Variants in ANKRD6 observed in about 807,000 individuals in gnomAD.
ANKRD6 encodes ankyrin repeat domain 6, also known as ankyrin repeat domain-containing protein 6.
ANKRD6 carries 56 observed loss-of-function variants against 82.3 expected under a neutral mutation model. The ratio of observed to expected loss-of-function variants is 0.68; its 90% CI spans 0.55 to 0.85. The LOEUF (loss-of-function observed/expected upper bound fraction) is 0.85. Among genes scored for constraint, ANKRD6 ranks in the 40% least tolerant of loss-of-function variants. The pLI is 0.00. For synonymous variants in ANKRD6, 347 were observed against 352.1 expected (o/e 0.99, Z 0.16); for missense variants, 852 against 907.6 (o/e 0.94, Z 0.79).
chr6:89,569,768 A>G (rs72911815), intron 2 of ANKRD6, among the ~76,000 whole-genome samples: 24,410 of 152,124 alleles, frequency 0.16, 2,662 homozygotes, highest in Non-Finnish European at 0.24. Flanking sequence ...GTCTTTTTTT[A>G]TACATCATTT....
intron 1 of ANKRD6, among the ~76,000 whole-genome samples, chr6:89,520,347 C>T (rs1360704070): frequency 6.6e-6 from 1 of 152,214 alleles, no homozygotes; most frequent in Non-Finnish European, 1.5e-5. Flanking sequence ...TACATAGCCT[C>T]CTATATCATC....
intron 3 of ANKRD6, among the ~76,000 whole-genome samples, chr6:89,597,654 G>A (rs10806411): frequency 0.45 from 69,003 of 152,146 alleles, 16,607 homozygotes; most frequent in East Asian, 0.62. Context: ...AAAGTGAGAC[G>A]TGTCAGCAGA....
At chr6:89,614,316 G>A (rs1204774553) in intron 7 of ANKRD6, among the ~76,000 whole-genome samples, 1 of 152,116 alleles carries the variant, frequency 6.6e-6, no homozygotes, top group African/African-American at 2.4e-5. Flanking sequence ...ACCAGCCCGG[G>A]CAACATAGCG....
chr6:89,499,453 A>G (rs895294707), intron 1 of ANKRD6, among the ~76,000 whole-genome samples: 10 of 152,098 alleles, frequency 6.6e-5, no homozygotes, highest in Non-Finnish European at 1.2e-4. Flanking sequence ...GCCTGATGCC[A>G]TTCTGGTCTA....
chr6:89,609,283 AG>A (rs1347780286), intron 5 of ANKRD6, among the ~76,000 whole-genome samples: 1 of 151,980 alleles, frequency 6.6e-6, no homozygotes, highest in Non-Finnish European at 1.5e-5. Flanking sequence ...CTGGAACAGG[AG>A]TTGATGGTGT....
chr6:89,525,160 G>A (rs528138532), intron 1 of ANKRD6, among the ~76,000 whole-genome samples: 1 of 152,078 alleles, frequency 6.6e-6, no homozygotes, highest in African/African-American at 2.4e-5. Flanking sequence ...TGGGCCTGGT[G>A]GCACACACCT....
intron 2 of ANKRD6, among the ~76,000 whole-genome samples, chr6:89,590,732 T>C (rs746089446): frequency 1.3e-4 from 20 of 152,102 alleles, no homozygotes; most frequent in African/African-American, 3.1e-4. Context: ...AGGGAAAGCA[T>C]GCGGCTGAGC....
intron 1 of ANKRD6, among the ~76,000 whole-genome samples, chr6:89,488,690 A>G (rs942737286): frequency 3.9e-5 from 6 of 152,238 alleles, no homozygotes; most frequent in African/African-American, 1.4e-4. Flanking sequence ...AAAAAGAAAT[A>G]TAGGTTACAT....
chr6:89,455,988 T>G (rs1467979283), intron 1 of ANKRD6, among the ~76,000 whole-genome samples: 1 of 152,090 alleles, frequency 6.6e-6, no homozygotes, highest in East Asian at 1.9e-4. Context: ...ATTCTCCTGC[T>G]TCAGCCTCCT....
At chr6:89,575,908 T>TG (rs1352970584) in intron 2 of ANKRD6, among the ~76,000 whole-genome samples, 4 of 152,256 alleles carry the variant, frequency 2.6e-5, no homozygotes, top group African/African-American at 9.6e-5. Context: ...TAAGTAAGGA[T>TG]GGGGTTGTCA....
intron 1 of ANKRD6, among the ~76,000 whole-genome samples, chr6:89,553,292 T>A (rs1024498272): frequency 6.6e-6 from 1 of 152,200 alleles, no homozygotes; most frequent in African/African-American, 2.4e-5. Context: ...AGCCGACTGA[T>A]AGCAGAAGCA....
At chr6:89,586,936 C>G (rs1285488876) in intron 2 of ANKRD6, among the ~76,000 whole-genome samples, 1 of 152,062 alleles carries the variant, frequency 6.6e-6, no homozygotes, top group Non-Finnish European at 1.5e-5. Context: ...TGGTTAAAAT[C>G]CTAGCACTTT....
intron 1 of ANKRD6, among the ~76,000 whole-genome samples, chr6:89,457,833 A>G (rs1773671541): frequency 6.6e-6 from 1 of 152,166 alleles, no homozygotes; most frequent in Admixed American, 6.6e-5. Flanking sequence ...TCTCATTGTT[A>G]TAGACTGAAT....
intron 2 of ANKRD6, among the ~76,000 whole-genome samples, chr6:89,588,993 TCA>T: frequency 2.0e-5 from 1 of 50,212 alleles, no homozygotes. Flanking sequence ...AGACTCTGTC[TCA>T]AAAAAAAAAA....
intron 1 of ANKRD6, among the ~76,000 whole-genome samples, chr6:89,566,072 C>T (rs1159827018): frequency 2.0e-5 from 3 of 152,216 alleles, no homozygotes; most frequent in Non-Finnish European, 4.4e-5. Flanking sequence ...CACTGCTCTG[C>T]GACAGGGCTT....
At chr6:89,583,903 G>A (rs1793152556) in intron 2 of ANKRD6, among the ~76,000 whole-genome samples, 1 of 152,076 alleles carries the variant, frequency 6.6e-6, no homozygotes, top group African/African-American at 2.4e-5. Context: ...GGGCCCAGAG[G>A]CCCCACCAAC....
intron 5 of ANKRD6, among the ~76,000 whole-genome samples, chr6:89,611,972 G>A (rs959857379): frequency 1.3e-5 from 2 of 152,218 alleles, no homozygotes; most frequent in East Asian, 3.9e-4. Context: ...GGATGTGGGG[G>A]TCATGCTCCA....
chr6:89,572,567 G>C (rs1367341081), intron 2 of ANKRD6, among the ~76,000 whole-genome samples: 1 of 152,152 alleles, frequency 6.6e-6, no homozygotes, highest in African/African-American at 2.4e-5. Context: ...TTTATTACCT[G>C]TGCTAGCATT....
chr6:89,624,383 T>C (rs1804840082), intron 12 of ANKRD6, 156 bp from the exon 13 acceptor site: 1 of 964,548 alleles, frequency 1.0e-6, no homozygotes, highest in Non-Finnish European at 1.5e-6. Context: ...CACCCAAAAT[T>C]TGGCCTATAA....
Sources: gnomAD v4.1 joint callset for allele counts (sites outside exome capture counted in the v4.1 genomes callset) on GRCh38, gnomAD v4.1.1 for gene constraint, MANE v1.5 for transcripts, NCBI Gene and HGNC (gene_info 2026-07-23, HGNC 2026-07-21) for gene names.